AUTS2: variants seen among roughly 807,000 people sequenced by gnomAD.
The protein encoded by AUTS2 is autism susceptibility gene 2 protein.
In AUTS2, 17 loss-of-function variants were observed where a neutral mutation model predicts 112.4. The ratio of observed to expected loss-of-function variants is 0.15; its 90% confidence interval spans 0.10 to 0.23. AUTS2 has a LOEUF of 0.23. Ranked by LOEUF, AUTS2 falls within the 10% of genes least tolerant of loss-of-function variation. The pLI, the probability that AUTS2 is intolerant of heterozygous loss-of-function variation, is 1.00. For missense variants in AUTS2, 1,510 were observed against 1,701.6 expected (o/e 0.89, Z 1.98); for synonymous variants, 751 against 702.7 (o/e 1.07, Z -1.09).
chr7:69,775,373 A>C (rs1285181101), intron 1 of AUTS2, among the ~76,000 whole-genome samples: 1 of 152,232 alleles, frequency 6.6e-6, no homozygotes, highest in Non-Finnish European at 1.5e-5. Flanking sequence ...TGCAGTCATC[A>C]CGGCTTTTAG....
chr7:69,838,962 TCCTAA>T (rs1337212732), intron 1 of AUTS2, among the ~76,000 whole-genome samples: 1 of 152,194 alleles, frequency 6.6e-6, no homozygotes, highest in Non-Finnish European at 1.5e-5. Flanking sequence ...ACAATTAAAA[TCCTAA>T]CCGGCAACAG....
At chr7:69,654,062 C>T (rs942107276) in intron 1 of AUTS2, among the ~76,000 whole-genome samples, 2 of 152,178 alleles carry the variant, frequency 1.3e-5, no homozygotes, top group Non-Finnish European at 2.9e-5. Context: ...AATCATAAGA[C>T]GGGATGTTGG....
intron 4 of AUTS2, among the ~76,000 whole-genome samples, chr7:70,214,391 C>A (rs1278107879): frequency 6.6e-6 from 1 of 152,096 alleles, no homozygotes; most frequent in Non-Finnish European, 1.5e-5. Flanking sequence ...CATTTCACTC[C>A]ATTTTATATA....
chr7:70,118,032 G>A, intron 2 of AUTS2, 100 bp from the exon 3 acceptor site: 1 of 1,372,974 alleles, frequency 7.3e-7, no homozygotes, highest in Non-Finnish European at 9.5e-7. Context: ...ACAGGCGTGA[G>A]CCACCGTGCC....
At chr7:69,962,238 A>G (rs10278001) in intron 2 of AUTS2, among the ~76,000 whole-genome samples, 12,651 of 152,110 alleles carry the variant, frequency 0.083, 682 homozygotes, top group African/African-American at 0.14. Context: ...AGGACTCTAA[A>G]CCACTTAGCT....
chr7:70,662,050 G>A (rs1185003276), intron 5 of AUTS2, among the ~76,000 whole-genome samples: 1 of 152,174 alleles, frequency 6.6e-6, no homozygotes, highest in African/African-American at 2.4e-5. Context: ...CAATGGGGGG[G>A]CAGACACCTG....
chr7:69,854,565 G>A lies in AUTS2; in HGVS notation c.310-44721G>A, dbSNP rs141260211. On this transcript the variant is annotated intron_variant, in intron 1 of 18. Coordinates refer to ENST00000342771, the MANE Select transcript of AUTS2 (RefSeq NM_015570.4). The stretch of plus-strand genomic sequence containing the variant: ...TGCCATAGTGGTTTTATCTGTCAGC[G>A]TGTCTGTGTGTTTCTTAATGTTCCT... 1.1e-4 allele frequency among the ~76,000 whole-genome samples: 16 copies of A among 152,104 alleles called. No homozygotes were observed. In the East Asian group the frequency reaches 2.3e-3, roughly 22 times the overall value.
chr7:69,632,379 GT>G (rs1794287089), intron 1 of AUTS2, among the ~76,000 whole-genome samples: 1 of 152,166 alleles, frequency 6.6e-6, no homozygotes, highest in Non-Finnish European at 1.5e-5. Context: ...TGTTGATTGG[GT>G]ACCCAAGAAA....
At chr7:70,658,639 T>C (rs750793310) in intron 5 of AUTS2, among the ~76,000 whole-genome samples, 2 of 152,218 alleles carry the variant, frequency 1.3e-5, no homozygotes, top group Non-Finnish European at 2.9e-5. Flanking sequence ...GCCGGGGAGA[T>C]GTCTTAGGGC....
chr7:70,104,019 G>A (rs1286174025), intron 2 of AUTS2, among the ~76,000 whole-genome samples: 3 of 151,826 alleles, frequency 2.0e-5, no homozygotes, highest in African/African-American at 4.8e-5. Context: ...TGATCATCCT[G>A]TTTTTAAGCT....
intron 1 of AUTS2, among the ~76,000 whole-genome samples, chr7:69,857,282 G>A (rs1173087322): frequency 6.6e-6 from 1 of 152,116 alleles, no homozygotes; most frequent in African/African-American, 2.4e-5. Context: ...TCCTGGAAAT[G>A]AGCCCTGAGA....
At chr7:69,781,700 A>C (rs1789149951) in intron 1 of AUTS2, among the ~76,000 whole-genome samples, 1 of 152,178 alleles carries the variant, frequency 6.6e-6, no homozygotes, top group Non-Finnish European at 1.5e-5. Flanking sequence ...GCCTCAGTGT[A>C]GACTGCAGTG....
chr7:70,138,802 T>C (rs1806703954), intron 4 of AUTS2, among the ~76,000 whole-genome samples: 1 of 152,164 alleles, frequency 6.6e-6, no homozygotes, highest in Admixed American at 6.6e-5. Context: ...TTACTTAAGT[T>C]GTGTAGGTAG....
At chr7:70,219,362 A>ACTGT (rs1411507559) in intron 4 of AUTS2, among the ~76,000 whole-genome samples, 1 of 152,124 alleles carries the variant, frequency 6.6e-6, no homozygotes, top group Non-Finnish European at 1.5e-5. Flanking sequence ...AATCCACAAA[A>ACTGT]CTGTCGCTCA....
chr7:70,097,242 A>T (rs1270077006), intron 2 of AUTS2, among the ~76,000 whole-genome samples: 1 of 152,226 alleles, frequency 6.6e-6, no homozygotes, highest in Non-Finnish European at 1.5e-5. Context: ...TCAAGAACTC[A>T]GTGTGCATCC....
chr7:70,517,673 T>C (rs1799473532), intron 5 of AUTS2, among the ~76,000 whole-genome samples: 1 of 151,054 alleles, frequency 6.6e-6, no homozygotes, highest in African/African-American at 2.4e-5. Context: ...ACAATTTGTG[T>C]CCAGTTAATG....
chr7:69,970,353 T>A (rs1023618930), intron 2 of AUTS2, among the ~76,000 whole-genome samples: 9 of 152,202 alleles, frequency 5.9e-5, no homozygotes, highest in Non-Finnish European at 1.2e-4. Flanking sequence ...TTCTGAGGTA[T>A]ATATTTAATT....
At chr7:70,037,690 A>G (rs1381394094) in intron 2 of AUTS2, among the ~76,000 whole-genome samples, 2 of 152,062 alleles carry the variant, frequency 1.3e-5, no homozygotes, top group Non-Finnish European at 2.9e-5. Context: ...TTTTTATGTG[A>G]TGACTAAAAA....
At chr7:69,600,781 G>A (rs776814745) in intron 1 of AUTS2, among the ~76,000 whole-genome samples, 5 of 152,092 alleles carry the variant, frequency 3.3e-5, no homozygotes, top group Middle Eastern at 3.4e-3. Flanking sequence ...ACTGGTGGGA[G>A]GGAAGAATAA....
Sources: allele counts gnomAD v4.1 joint callset (sites outside exome capture counted in the v4.1 genomes callset), GRCh38; gene constraint gnomAD v4.1.1; transcripts MANE v1.5; gene names NCBI Gene and HGNC (gene_info 2026-07-23, HGNC 2026-07-21).